LRFN2: variants seen among roughly 807,000 people sequenced by gnomAD.
LRFN2 encodes the protein leucine rich repeat and fibronectin type III domain containing 2.
Under a neutral mutation model 37.3 loss-of-function variants are expected in LRFN2, and 18 were observed. That is an observed-to-expected ratio of 0.48 (90% CI 0.33 to 0.72). The LOEUF (loss-of-function observed/expected upper bound fraction) is 0.72. Among genes scored for constraint, LRFN2 ranks in the 30% least tolerant of loss-of-function variants. The pLI is 0.02. For synonymous variants in LRFN2, 556 were observed against 466.6 expected (o/e 1.19, Z -2.47); for missense variants, 1,006 against 1,060.7 (o/e 0.95, Z 0.72).
At chr6:40,479,009 A>G (rs1299402573) in intron 1 of LRFN2, among the ~76,000 whole-genome samples, 2 of 152,232 alleles carry the variant, frequency 1.3e-5, no homozygotes, top group Non-Finnish European at 2.9e-5. Context: ...CAAATAGTTG[A>G]GGCACAGGTT....
intron 2 of LRFN2, among the ~76,000 whole-genome samples, chr6:40,398,258 C>A (rs917371492): frequency 1.3e-5 from 2 of 151,926 alleles, no homozygotes; most frequent in African/African-American, 4.8e-5. Context: ...TGTCTCCAAG[C>A]ATTGCCCAAT....
intron 1 of LRFN2, among the ~76,000 whole-genome samples, chr6:40,519,235 T>C (rs1194405647): frequency 6.6e-6 from 1 of 152,170 alleles, no homozygotes; most frequent in Non-Finnish European, 1.5e-5. Context: ...GAATGAATGA[T>C]TCTAAATCTC....
intron 1 of LRFN2, among the ~76,000 whole-genome samples, chr6:40,559,493 G>A (rs1380069093): frequency 6.6e-6 from 1 of 152,126 alleles, no homozygotes; most frequent in African/African-American, 2.4e-5. Context: ...GGCTAAGCTG[G>A]CCAGGAGAGT....
intron 1 of LRFN2, among the ~76,000 whole-genome samples, chr6:40,559,208 G>T (rs1766947081): frequency 6.6e-6 from 1 of 152,198 alleles, no homozygotes; most frequent in South Asian, 2.1e-4. Flanking sequence ...GCCTGATGGG[G>T]AGGGGTCAGC....
At chr6:40,522,617 G>A (rs529599441) in intron 1 of LRFN2, among the ~76,000 whole-genome samples, 2 of 152,176 alleles carry the variant, frequency 1.3e-5, no homozygotes, top group African/African-American at 4.8e-5. Context: ...GCAAGCAGGG[G>A]CTAGCGAGGG....
intron 1 of LRFN2, among the ~76,000 whole-genome samples, chr6:40,559,781 C>T (rs1451164744): frequency 9.9e-5 from 15 of 152,144 alleles, no homozygotes; most frequent in Admixed American, 8.5e-4. Flanking sequence ...AAGGGCATTT[C>T]ATCCGCCCCC....
chr6:40,539,057 C>G (rs1766504211), intron 1 of LRFN2, among the ~76,000 whole-genome samples: 1 of 152,102 alleles, frequency 6.6e-6, no homozygotes, highest in Non-Finnish European at 1.5e-5. Flanking sequence ...CAGCTAACAG[C>G]CCATTCCTCA....
chr6:40,443,322 A>C (rs1763888306), intron 1 of LRFN2, among the ~76,000 whole-genome samples: 1 of 152,210 alleles, frequency 6.6e-6, no homozygotes, highest in African/African-American at 2.4e-5. Context: ...TAATTCATAG[A>C]AAACAGCCGC....
chr6:40,481,590 G>T (rs1172873760), intron 1 of LRFN2, among the ~76,000 whole-genome samples: 10 of 152,154 alleles, frequency 6.6e-5, no homozygotes, highest in Admixed American at 3.9e-4. Context: ...TTCTTGTTGG[G>T]TATGGAAGGC....
chr6:40,529,822 A>G (rs1766315672), intron 1 of LRFN2, among the ~76,000 whole-genome samples: 1 of 152,256 alleles, frequency 6.6e-6, no homozygotes, highest in Non-Finnish European at 1.5e-5. Context: ...ATTCAACCGG[A>G]TCACAAAAGT....
At chr6:40,581,918 C>A (rs1767412150) in intron 1 of LRFN2, among the ~76,000 whole-genome samples, 1 of 152,110 alleles carries the variant, frequency 6.6e-6, no homozygotes, top group Admixed American at 6.5e-5. Context: ...CTCCACAGAC[C>A]CTCAGTATTA....
In LRFN2 at chr6:40,392,573, G is replaced by C. The variant is rs775496831; in HGVS notation, c.1740C>G (p.Asn580Lys). 72 of 1,605,842 alleles carry C rather than the reference G, an allele frequency of 4.5e-5. No homozygotes were observed. The highest frequency in any genetic ancestry group is 5.9e-5 in the Non-Finnish European group (70 of 1,179,520). Residue 580 changes from asparagine to lysine, a missense_variant, in exon 3 of 3, where the codon AAC becomes AAG. By Grantham distance (94) the Asn-to-Lys change is moderately conservative (BLOSUM62 0). Transcript: ENST00000338305. The surrounding 1 kb of genome is among the most constrained non-coding windows in gnomAD (Gnocchi z 4.7). ...TGCTTGGAGGCGGTGGCTGGGCGCC[G>C]TTGGTCTGCGAGTACACATTGCTCA... ...AAVSNVYSQT[N>K]GAQPPPPSSA... is the part of the protein sequence containing the mutation.
intron 1 of LRFN2, among the ~76,000 whole-genome samples, chr6:40,466,765 G>A (rs1017722760): frequency 1.3e-5 from 2 of 152,112 alleles, no homozygotes; most frequent in Non-Finnish European, 2.9e-5. Flanking sequence ...ATTGTTATAG[G>A]ATGAATATGG....
intron 2 of LRFN2, among the ~76,000 whole-genome samples, chr6:40,396,359 C>G (rs951757279): frequency 1.3e-5 from 2 of 152,174 alleles, no homozygotes; most frequent in Non-Finnish European, 2.9e-5. Flanking sequence ...TGCTGCCTCT[C>G]GGACACTGCC....
intron 1 of LRFN2, among the ~76,000 whole-genome samples, chr6:40,512,268 C>T (rs1765732319): frequency 6.6e-6 from 1 of 152,184 alleles, no homozygotes; most frequent in African/African-American, 2.4e-5. Context: ...AGGTACTTAC[C>T]CTCCCATTGC....
At chr6:40,571,233 C>T (rs1482310534) in intron 1 of LRFN2, among the ~76,000 whole-genome samples, 1 of 152,228 alleles carries the variant, frequency 6.6e-6, no homozygotes, top group East Asian at 1.9e-4. Flanking sequence ...TAGCAGCTGA[C>T]CAATACTAGG....
intron 1 of LRFN2, among the ~76,000 whole-genome samples, chr6:40,451,489 A>C (rs1764105159): frequency 1.3e-5 from 2 of 152,182 alleles, no homozygotes; most frequent in African/African-American, 2.4e-5. Context: ...GGGACGAGAC[A>C]AGCTCTTCCC....
intron 2 of LRFN2, among the ~76,000 whole-genome samples, chr6:40,411,768 T>C (rs1354119019): frequency 1.3e-5 from 2 of 151,902 alleles, no homozygotes; most frequent in Non-Finnish European, 1.5e-5. Flanking sequence ...TAGCTAATAT[T>C]ACAACTTACC....
chr6:40,402,410 G>A (rs1190558199), intron 2 of LRFN2, among the ~76,000 whole-genome samples: 2 of 152,210 alleles, frequency 1.3e-5, no homozygotes, highest in Admixed American at 6.5e-5. Flanking sequence ...GATTTAGCAG[G>A]AGGCAAGTCT....
Sources: gnomAD v4.1 joint callset for allele counts (sites outside exome capture counted in the v4.1 genomes callset) on GRCh38, gnomAD v4.1.1 for gene constraint, Gnocchi (gnomAD v3.1) non-coding constraint, MANE v1.5 for transcripts, NCBI Gene and HGNC (gene_info 2026-07-23, HGNC 2026-07-21) for gene names.